Variants in ZNF469 observed in about 807,000 individuals in gnomAD.
ZNF469 encodes zinc finger protein 469.
A neutral mutation model predicts 1.0 loss-of-function variants in ZNF469; 1 was observed. The observed-to-expected ratio is 1.00, with a 90% CI of 0.35 to 4.73. The LOEUF is 4.73. Ranked by LOEUF, ZNF469 falls within the 30% of genes most tolerant of loss-of-function variation. The pLI is 0.16. For missense variants in ZNF469, 6,100 were observed against 5,356.3 expected, an observed-to-expected ratio of 1.14 and a Z score of -4.33; for synonymous variants, 2,703 against 2,363.4, an observed-to-expected ratio of 1.14 and a Z score of -4.17.
At chr16:88,362,553 C>T in the ZNF469 span, among the ~76,000 whole-genome samples, 12 of 152,064 alleles carry the variant, frequency 7.9e-5, no homozygotes, top group African/African-American at 2.2e-4. Flanking sequence ...TTTCTTTCAT[C>T]GCTTTAAAGA....
At chr16:88,210,340 G>T in the ZNF469 span, among the ~76,000 whole-genome samples, 498 of 151,608 alleles carry the variant, frequency 3.3e-3, 4 homozygotes, top group African/African-American at 0.012. Flanking sequence ...TTTGTCATTT[G>T]TCCTTTGGAT....
intron 1 of ZNF469, among the ~76,000 whole-genome samples, chr16:88,411,482 AGGGGTGC>A (rs1905162391): frequency 6.1e-4 from 3 of 4,916 alleles, no homozygotes; most frequent in Non-Finnish European, 9.4e-4. Flanking sequence ...GCAAGCAGGC[AGGGGTGC>A]GAGCGGGCAG....
At chr16:88,380,902 ACACT>A (rs755637425), upstream of ZNF469, among the ~76,000 whole-genome samples, 17 of 112,276 alleles carry the variant, frequency 1.5e-4, no homozygotes, top group South Asian at 3.1e-3. Flanking sequence ...GCACTCACAC[ACACT>A]CACAGACATG....
the ZNF469 span, among the ~76,000 whole-genome samples, chr16:88,144,963 C>T: frequency 1.3e-5 from 2 of 152,044 alleles, no homozygotes; most frequent in East Asian, 1.9e-4. Flanking sequence ...AATTCTCAAG[C>T]CTCAGCCTCC....
At chr16:88,116,990 C>T in the ZNF469 span, among the ~76,000 whole-genome samples, 1 of 148,078 alleles carries the variant, frequency 6.8e-6, no homozygotes, top group South Asian at 2.1e-4. Context: ...CACACACACA[C>T]ACCAGGGCAT....
the ZNF469 span, among the ~76,000 whole-genome samples, chr16:88,167,708 G>T: frequency 6.6e-6 from 1 of 152,174 alleles, no homozygotes; most frequent in African/African-American, 2.4e-5. Flanking sequence ...CATCTCTCTG[G>T]TCAAGGGGGC....
chr16:88,427,252 C>T (rs939057374), intron 2 of ZNF469, among the ~76,000 whole-genome samples, 93 bp from the exon 3 acceptor site: 6 of 152,174 alleles, frequency 3.9e-5, no homozygotes, highest in African/African-American at 1.2e-4. Context: ...GCTTCTGGCC[C>T]GGCCACACCC....
the ZNF469 span, among the ~76,000 whole-genome samples, chr16:88,121,038 A>G: frequency 0.38 from 56,484 of 147,694 alleles, 10,965 homozygotes; most frequent in East Asian, 0.67. Flanking sequence ...GGCACCCGCT[A>G]TGTACTGTGC....
chr16:88,251,538 C>CTTTTTTTTTTTTTTTTTTTTTT, the ZNF469 span, among the ~76,000 whole-genome samples: 6 of 51,290 alleles, frequency 1.2e-4, 1 homozygote, highest in Admixed American at 9.0e-4. Flanking sequence ...TCCCTGCTGT[C>CTTTTTTTTTTTTTTTTTTTTTT]TTTTTTTTTT....
chr16:88,152,398 T>C, the ZNF469 span, among the ~76,000 whole-genome samples: 1 of 152,190 alleles, frequency 6.6e-6, no homozygotes, highest in East Asian at 1.9e-4. This position sits in a 1 kb window ranked among gnomAD's most constrained non-coding sequence, Gnocchi z 4.2. Context: ...GGAGCGCAGC[T>C]GCTTTTCCGT....
In ZNF469 at chr16:88,433,908, G is replaced by A. The variant is rs1399549377; in HGVS notation, c.6438G>A (p.Leu2146=). 1.3e-6 allele frequency: 2 copies of A among 1,548,540 alleles called. No homozygotes were observed. Among genetic ancestry groups the A allele is most frequent in the South Asian group, 1.2e-5 (1 of 83,974 alleles). Reference sequence around the variant, plus strand: ...CGCCTTCCAGGGCCCAAGGTGGGCTGGGGGGGCAGCTGCCAGCATCTCCGT... The same window carrying A: ...CGCCTTCCAGGGCCCAAGGTGGGCTAGGGGGGCAGCTGCCAGCATCTCCGT... ...LTSPSRAQGG[L]GGQLPASPSC... Residue 2146 remains leucine, a synonymous_variant, in exon 3 of 3, where the codon CTG becomes CTA. Coordinates refer to ENST00000565624, the MANE Select transcript of ZNF469 (RefSeq NM_001367624.2).
chr16:88,239,666 TGTATATA>T, the ZNF469 span, among the ~76,000 whole-genome samples: 98 of 40,580 alleles, frequency 2.4e-3, 4 homozygotes, highest in Non-Finnish European at 3.4e-3. Flanking sequence ...TTTTTTTTTT[TGTATATA>T]TATATATATA....
the ZNF469 span, among the ~76,000 whole-genome samples, chr16:88,351,980 T>C: frequency 2.6e-5 from 4 of 152,214 alleles, no homozygotes; most frequent in South Asian, 2.1e-4. Flanking sequence ...AGGAGAAATA[T>C]GATGGTGACG....
the ZNF469 span, among the ~76,000 whole-genome samples, chr16:88,281,056 C>T: frequency 0.1 from 14,594 of 142,074 alleles, 2,270 homozygotes; most frequent in African/African-American, 0.35. Context: ...AGTACTGTGC[C>T]GATGTTGGCT....
chr16:88,416,849 A>G (rs567285737), intron 1 of ZNF469, among the ~76,000 whole-genome samples: 67 of 152,138 alleles, frequency 4.4e-4, no homozygotes, highest in African/African-American at 1.6e-3. Flanking sequence ...GCTCCCCGGG[A>G]GGGGTACCCA....
intron 1 of ZNF469, among the ~76,000 whole-genome samples, chr16:88,413,878 G>A (rs1905240015): frequency 1.3e-5 from 2 of 152,210 alleles, no homozygotes; most frequent in South Asian, 2.1e-4. Context: ...GTGGTGGCAG[G>A]TGCCATGGAG....
the ZNF469 span, among the ~76,000 whole-genome samples, chr16:88,113,866 C>T: frequency 3.5e-3 from 531 of 152,294 alleles, 2 homozygotes; most frequent in Non-Finnish European, 6.0e-3. Context: ...TGGTCTAGTG[C>T]GTGGAGAAGC....
At chr16:88,132,109 T>G in the ZNF469 span, among the ~76,000 whole-genome samples, 2 of 152,228 alleles carry the variant, frequency 1.3e-5, no homozygotes, top group African/African-American at 4.8e-5. Flanking sequence ...TCTCCATGTG[T>G]GGACATCGCT....
chr16:88,181,533 TG>T, the ZNF469 span, among the ~76,000 whole-genome samples: 5 of 152,280 alleles, frequency 3.3e-5, no homozygotes, highest in African/African-American at 1.2e-4. Context: ...TTCAAATATT[TG>T]GAAGTTAAAG....
Sources: allele counts gnomAD v4.1 joint callset (sites outside exome capture counted in the v4.1 genomes callset), GRCh38; gene constraint gnomAD v4.1.1; non-coding constraint Gnocchi (gnomAD v3.1); transcripts MANE v1.5; gene names NCBI Gene and HGNC (gene_info 2026-07-23, HGNC 2026-07-21).